Variants in GRAMD4 observed in about 807,000 individuals in gnomAD.
GRAMD4 encodes GRAM domain containing 4.
Under a neutral mutation model 83.9 loss-of-function variants are expected in GRAMD4, and 25 were observed. The observed-to-expected ratio is 0.30, with a 90% CI of 0.22 to 0.42. The LOEUF (loss-of-function observed/expected upper bound fraction) is 0.42. Among genes scored for constraint, GRAMD4 ranks in the 10% least tolerant of loss-of-function variants. GRAMD4 has a pLI of 1.00. For missense variants in GRAMD4, 593 were observed against 788.7 expected, an observed-to-expected ratio of 0.75 and a Z score of 2.97; for synonymous variants, 336 against 320.9, an observed-to-expected ratio of 1.05 and a Z score of -0.50.
At chr22:46,626,139 C>T (rs1277873614) in intron 1 of GRAMD4, among the ~76,000 whole-genome samples, 1 of 152,208 alleles carries the variant, frequency 6.6e-6, no homozygotes, top group Non-Finnish European at 1.5e-5. Context: ...GTCCTGGGAG[C>T]CGGGGCCAGG....
In GRAMD4 at chr22:46,659,240, C is replaced by T. The variant is rs767556445; in HGVS notation, c.404+933C>T. 1.6e-5 allele frequency among the ~76,000 whole-genome samples: 2 copies of T among 128,116 alleles called. No individual in the cohort carries two copies. Among genetic ancestry groups the T allele is most frequent in the Admixed American group, 1.5e-4 (2 of 13,396 alleles). The allele number at this position is 128,116 out of a possible 152,430, so 84.0% of individuals were successfully genotyped here. On this transcript the variant is annotated intron_variant, in intron 4 of 18. Transcript: ENST00000406902. This position sits in a 1 kb window ranked among gnomAD's most constrained non-coding sequence, Gnocchi z 4.1. ...GCCTCCCTCTCAGCCTCCACTCCCTCAGCCTCCCCCCTCAGTCTCCACCCT... is the reference window on the plus strand; with the variant it reads ...GCCTCCCTCTCAGCCTCCACTCCCTTAGCCTCCCCCCTCAGTCTCCACCCT...
chr22:46,613,614 C>G, intron 1 of GRAMD4, among the ~76,000 whole-genome samples: 1 of 152,298 alleles, frequency 6.6e-6, no homozygotes. Flanking sequence ...CCGTCTCGGA[C>G]AGAGGGCATC....
chr22:46,635,689 GTCC>G (rs1396736512), intron 2 of GRAMD4, among the ~76,000 whole-genome samples: 13 of 115,120 alleles, frequency 1.1e-4, no homozygotes, highest in African/African-American at 4.2e-4. Flanking sequence ...GGGGAGCTGT[GTCC>G]TCCCTGCTCC....
upstream of GRAMD4, among the ~76,000 whole-genome samples, chr22:46,616,793 T>TG: frequency 1.4e-5 from 2 of 143,556 alleles, no homozygotes; most frequent in Non-Finnish European, 3.0e-5. Context: ...CCCCTGTGTG[T>TG]AGGTTCCCCT....
At chr22:46,647,924 C>G (rs1445523548) in intron 3 of GRAMD4, among the ~76,000 whole-genome samples, 2 of 152,234 alleles carry the variant, frequency 1.3e-5, no homozygotes, top group African/African-American at 4.8e-5. Flanking sequence ...TGTAAGGAGA[C>G]CCTTATTTGT....
At chr22:46,613,840 G>A (rs2081442090) in intron 1 of GRAMD4, among the ~76,000 whole-genome samples, 2 of 56,590 alleles carry the variant, frequency 3.5e-5, no homozygotes, top group Admixed American at 3.9e-4. Flanking sequence ...ACCCCTTGGG[G>A]CCTCTCAGGA....
In GRAMD4 at chr22:46,675,501, C is replaced by T. The variant is rs764287695; in HGVS notation, c.1512C>T (p.Ser504=). 2 of 1,613,386 alleles carry T rather than the reference C, an allele frequency of 1.2e-6. No homozygotes were observed. The highest frequency in any genetic ancestry group is 1.7e-6 in the Non-Finnish European group (2 of 1,179,666). ...GCTTCGAAAGCTCCAAATCTGGGTCCTCAAAGAGGAACAAAGTCATCAAGC... is the reference window on the plus strand; with the variant it reads ...GCTTCGAAAGCTCCAAATCTGGGTCTTCAAAGAGGAACAAAGTCATCAAGC... ...YLCFESSKSG[S]SKRNKVIKLV... The change falls in exon 17 of 19, where the codon TCC becomes TCT. Residue 504 remains serine, a synonymous_variant. Coordinates refer to ENST00000406902, the MANE Select transcript of GRAMD4 (RefSeq NM_015124.5).
chr22:46,665,673 T>A lies in GRAMD4; in HGVS notation c.776T>A (p.Ile259Asn). The A allele has an allele frequency of 6.2e-7, 1 of 1,604,988 alleles. No homozygotes were observed. The highest frequency in any genetic ancestry group is 8.5e-7 in the Non-Finnish European group (1 of 1,172,106). Reference sequence around the variant, plus strand: ...ATCCCATTGTTCTTATTTCTAGCAATTCTGAGGTTATCCCTCAATTACCTC... The same window carrying A: ...ATCCCATTGTTCTTATTTCTAGCAAATCTGAGGTTATCCCTCAATTACCTC... Reference protein sequence around the residue: ...WAIPLFLFLAILRLSLNYLIA... With the variant: ...WAIPLFLFLANLRLSLNYLIA... The change falls in exon 9 of 19, where the codon ATT (isoleucine) becomes AAT (asparagine). Residue 259 changes from isoleucine to asparagine, a missense_variant. By Grantham distance (149) the Ile-to-Asn change is moderately radical (BLOSUM62 -3). This residue lies in a region of GRAMD4 where 312 missense variants were observed against 350.7 expected (regional missense o/e 0.89). Coordinates refer to ENST00000406902, the MANE Select transcript of GRAMD4 (RefSeq NM_015124.5).
Position 46,674,650 on chromosome 22 carries a change from C to T in GRAMD4, c.1385-7C>T. ...GAAAGTGTGACAGGCGGGCCTTCTC[C>T]CATTAGTGTGCGAGAATGGCTGGCG... On this transcript the variant is annotated splice_polypyrimidine_tract_variant and splice_region_variant and intron_variant, in intron 15 of 18. Coordinates refer to ENST00000406902, the MANE Select transcript of GRAMD4 (RefSeq NM_015124.5). The T allele has an allele frequency of 6.3e-7, 1 of 1,589,476 alleles. No individual in the cohort carries two copies. The highest frequency in any genetic ancestry group is 8.6e-7 in the Non-Finnish European group (1 of 1,158,092).
At chr22:46,612,960 C>T (rs530815083) in intron 1 of GRAMD4, among the ~76,000 whole-genome samples, 5 of 152,342 alleles carry the variant, frequency 3.3e-5, no homozygotes, top group East Asian at 3.9e-4. Flanking sequence ...CTGCCCCACC[C>T]GTGGACTTTG....
intron 1 of GRAMD4, among the ~76,000 whole-genome samples, chr22:46,581,668 C>T (rs1305030580): frequency 2.6e-5 from 4 of 152,240 alleles, no homozygotes; most frequent in Admixed American, 6.5e-5. Context: ...GATTTATTTT[C>T]GTACCAACTG....
chr22:46,670,521 C>T (rs1249735432), intron 13 of GRAMD4, among the ~76,000 whole-genome samples: 4 of 152,208 alleles, frequency 2.6e-5, no homozygotes, highest in Non-Finnish European at 4.4e-5. Context: ...AGTGCACTTG[C>T]GGCCCTGGAC....
chr22:46,604,169 C>G (rs1209476990), intron 1 of GRAMD4, among the ~76,000 whole-genome samples: 1 of 152,146 alleles, frequency 6.6e-6, no homozygotes, highest in Non-Finnish European at 1.5e-5. Context: ...CCGCTGCTGC[C>G]CCATTGCGTT....
chr22:46,609,230 G>A lies in GRAMD4; in HGVS notation c.-49-17521G>A, dbSNP rs113393264. ...GTGGCGCTGGTTGCTGTCTGGGCCG[G>A]CTTGGCCTCAGGCGATCCTGTTGCC... On this transcript the variant is annotated intron_variant, in intron 1 of 1. Coordinates refer to the GRAMD4 transcript ENST00000431155. Among the ~76,000 whole-genome samples the A allele has an allele frequency of 8.4e-3, 1,286 of 152,328 alleles. 21 individuals carry two copies. The highest frequency in any genetic ancestry group is 0.03 in the African/African-American group (1,235 of 41,582).
chr22:46,636,269 C>T (rs1048558548), intron 2 of GRAMD4, among the ~76,000 whole-genome samples: 1 of 152,208 alleles, frequency 6.6e-6, no homozygotes. Flanking sequence ...GCTGGCCTCC[C>T]AGAACAGGCG....
At chr22:46,578,560 C>T (rs760666542) in intron 1 of GRAMD4, among the ~76,000 whole-genome samples, 13 of 152,196 alleles carry the variant, frequency 8.5e-5, no homozygotes, top group East Asian at 1.9e-4. Flanking sequence ...GCCTCTGCCC[C>T]GGGCGCTGTG....
intron 2 of GRAMD4, among the ~76,000 whole-genome samples, chr22:46,630,511 G>A (rs899941778): frequency 2.0e-5 from 3 of 152,168 alleles, no homozygotes; most frequent in Non-Finnish European, 4.4e-5. Context: ...GTGCAGCCGC[G>A]CCATGCTCCG....
At chr22:46,603,768 G>A (rs1044311120) in intron 1 of GRAMD4, among the ~76,000 whole-genome samples, 4 of 146,608 alleles carry the variant, frequency 2.7e-5, no homozygotes, top group Admixed American at 6.8e-5. Context: ...CGCCCGCCTC[G>A]GCCTCCCAAA....
intron 13 of GRAMD4, among the ~76,000 whole-genome samples, chr22:46,670,281 C>G (rs747010017): frequency 1.1e-4 from 16 of 152,256 alleles, no homozygotes; most frequent in Non-Finnish European, 2.4e-4. Flanking sequence ...GGAGGACAGG[C>G]CTCTCTGGAC....
Sources: gnomAD v4.1 joint callset for allele counts (sites outside exome capture counted in the v4.1 genomes callset) on GRCh38, gnomAD v4.1.1 for gene constraint, gnomAD v4.1.1 regional missense constraint, Gnocchi (gnomAD v3.1) non-coding constraint, MANE v1.5 for transcripts, NCBI Gene and HGNC (gene_info 2026-07-23, HGNC 2026-07-21) for gene names.